The following EIF3H variants were observed in gnomAD, a reference collection of about 807,000 sequenced individuals.
EIF3H encodes the protein eukaryotic translation initiation factor 3 subunit H.
Under a neutral mutation model 44.2 loss-of-function variants are expected in EIF3H, and 26 were observed. The observed-to-expected ratio is 0.59, with a 90% CI of 0.43 to 0.82. The LOEUF is 0.82. Among genes scored for constraint, EIF3H ranks in the 40% least tolerant of loss-of-function variants. EIF3H has a pLI of 0.00. For missense variants in EIF3H, 359 were observed against 432.8 expected, an observed-to-expected ratio of 0.83 and a Z score of 1.51; for synonymous variants, 166 against 151.9, an observed-to-expected ratio of 1.09 and a Z score of -0.68.
At chr8:116,765,124 G>A (rs993655179) in intron 1 of EIF3H, among the ~76,000 whole-genome samples, 1 of 152,058 alleles carries the variant, frequency 6.6e-6, no homozygotes, top group Admixed American at 6.6e-5. Flanking sequence ...GTCTGTGGTG[G>A]GCGCATAGTT....
intron 1 of EIF3H, among the ~76,000 whole-genome samples, chr8:116,734,539 T>C (rs1166070624): frequency 6.6e-6 from 1 of 152,136 alleles, no homozygotes; most frequent in Non-Finnish European, 1.5e-5. Context: ...AGATAAATAA[T>C]AACCCCACCT....
At chr8:116,698,340 T>C (rs1164455169) in intron 2 of EIF3H, among the ~76,000 whole-genome samples, 1 of 152,192 alleles carries the variant, frequency 6.6e-6, no homozygotes, top group African/African-American at 2.4e-5. Flanking sequence ...CCACAAGTCA[T>C]GAGTGACAAG....
At chr8:116,743,634 TA>T (rs1815166962) in intron 1 of EIF3H, among the ~76,000 whole-genome samples, 1 of 150,734 alleles carries the variant, frequency 6.6e-6, no homozygotes. Context: ...ATGCACCCAT[TA>T]TGGTCCCAGC....
chr8:116,757,802 A>G (rs1002605269), upstream of EIF3H, among the ~76,000 whole-genome samples: 1 of 151,628 alleles, frequency 6.6e-6, no homozygotes, highest in African/African-American at 2.4e-5. Context: ...GCTCACTGCA[A>G]CCTCCGCCTC....
At chr8:116,726,194 G>A in intron 1 of EIF3H, 22 bp from the exon 2 acceptor site, 1 of 1,594,858 alleles carries the variant, frequency 6.3e-7, no homozygotes, top group Non-Finnish European at 8.6e-7. Flanking sequence ...ACACACAGAA[G>A]GGAGCTTAAC....
chr8:116,673,765 A>T (rs1308960371), intron 2 of EIF3H, among the ~76,000 whole-genome samples: 2 of 152,148 alleles, frequency 1.3e-5, no homozygotes, highest in Non-Finnish European at 2.9e-5. Context: ...TTTTTCATTC[A>T]GCACACTGTA....
chr8:116,725,075 C>T (rs1187139466), intron 2 of EIF3H, among the ~76,000 whole-genome samples: 1 of 152,164 alleles, frequency 6.6e-6, no homozygotes, highest in Non-Finnish European at 1.5e-5. Flanking sequence ...GTGGTATATA[C>T]AGATGATGAA....
At chr8:116,756,687 G>A (rs550601397), upstream of EIF3H, among the ~76,000 whole-genome samples, 1 of 152,200 alleles carries the variant, frequency 6.6e-6, no homozygotes, top group East Asian at 1.9e-4. Flanking sequence ...TTTTGTCATT[G>A]GGATCTGGTG....
chr8:116,743,784 ATATATATATATATAAACACAC>A (rs1815172939), intron 1 of EIF3H, among the ~76,000 whole-genome samples: 6 of 90,804 alleles, frequency 6.6e-5, no homozygotes, highest in Admixed American at 6.3e-4. Context: ...ATATATATAT[ATATATATATATATAAACACAC>A]ACACACACAC....
intron 2 of EIF3H, among the ~76,000 whole-genome samples, chr8:116,676,863 G>A (rs1397777283): frequency 1.3e-5 from 2 of 151,812 alleles, no homozygotes; most frequent in Admixed American, 1.3e-4. Flanking sequence ...GTCTTGTTTT[G>A]TCTACATTTT....
chr8:116,667,923 T>TA (rs2130811038), intron 2 of EIF3H, among the ~76,000 whole-genome samples: 1 of 152,326 alleles, frequency 6.6e-6, no homozygotes, highest in East Asian at 1.9e-4. Flanking sequence ...GATGGCAATT[T>TA]AAAAAACCTT....
chr8:116,728,047 C>T (rs1422452940), intron 1 of EIF3H, among the ~76,000 whole-genome samples: 1 of 152,100 alleles, frequency 6.6e-6, no homozygotes, highest in African/African-American at 2.4e-5. Context: ...TTAAAAATTA[C>T]AACACATGGC....
At chr8:116,709,539 G>T (rs1814536855) in intron 2 of EIF3H, among the ~76,000 whole-genome samples, 1 of 152,204 alleles carries the variant, frequency 6.6e-6, no homozygotes, top group Admixed American at 6.5e-5. Context: ...ATTCAAGTAA[G>T]AGATGTATCC....
rs556553777 is a variant in EIF3H at position 116,743,957 on chromosome 8, T to C, written c.132+11709A>G. On this transcript the variant is annotated intron_variant, in intron 1 of 7. Transcript: ENST00000521861. ...GAGAAGATAACTTAGTCAGCAGCAC[T>C]GTCCAAGTACAAAATAAAGTCTGTA... 1.4e-3 allele frequency among the ~76,000 whole-genome samples: 208 copies of C among 151,986 alleles called. 1 individual carries two copies. Among genetic ancestry groups the C allele is most frequent in the Middle Eastern group, 6.8e-3 (2 of 292 alleles).
At chr8:116,752,251 T>A (rs1815356279) in intron 1 of EIF3H, among the ~76,000 whole-genome samples, 1 of 152,156 alleles carries the variant, frequency 6.6e-6, no homozygotes, top group South Asian at 2.1e-4. Flanking sequence ...GTGTTGTTAG[T>A]TACTGGTGGA....
chr8:116,660,555 TAAAC>T (rs1343042340), intron 2 of EIF3H, among the ~76,000 whole-genome samples: 4 of 152,072 alleles, frequency 2.6e-5, no homozygotes, highest in African/African-American at 7.2e-5. Flanking sequence ...GTAGAAAAGC[TAAAC>T]AAACAAACAA....
At chr8:116,680,326 T>G (rs1813960391) in intron 2 of EIF3H, among the ~76,000 whole-genome samples, 1 of 49,398 alleles carries the variant, frequency 2.0e-5, no homozygotes. Context: ...CTGGGAGGTG[T>G]GCCCAGCGGC....
chr8:116,744,152 T>G (rs544498825), intron 1 of EIF3H, among the ~76,000 whole-genome samples: 23 of 149,778 alleles, frequency 1.5e-4, no homozygotes, highest in African/African-American at 5.7e-4. Context: ...ACAGTGGTTA[T>G]CACTAATGGA....
chr8:116,645,241 A>G, intron 7 of EIF3H, 138 bp from the exon 8 acceptor site: 1 of 653,928 alleles, frequency 1.5e-6, no homozygotes. Context: ...TTTTTCCATA[A>G]GGGATAAGAA....
Sources: allele counts gnomAD v4.1 joint callset (sites outside exome capture counted in the v4.1 genomes callset), GRCh38; gene constraint gnomAD v4.1.1; transcripts MANE v1.5; gene names NCBI Gene and HGNC (gene_info 2026-07-23, HGNC 2026-07-21).